The following ZNF597 variants were observed in gnomAD, a reference collection of about 807,000 sequenced individuals.
ZNF597 encodes zinc finger protein 597.
A neutral mutation model predicts 7.3 loss-of-function variants in ZNF597; 5 were observed. The ratio of observed to expected loss-of-function variants is 0.68; its 90% CI spans 0.36 to 1.44. The LOEUF is 1.44. Ranked by LOEUF, ZNF597 falls within the 40% of genes most tolerant of loss-of-function variation. The pLI is 0.04. For synonymous variants in ZNF597, 209 were observed against 185.4 expected (o/e 1.13, Z -1.04); for missense variants, 585 against 517.9 (o/e 1.13, Z -1.26).
rs149532466 is a variant in ZNF597, at chr16:3,437,479, C to T, written c.220G>A (p.Glu74Lys). 30 of 1,613,902 alleles carry T rather than the reference C, an allele frequency of 1.9e-5. No homozygotes were observed. Among genetic ancestry groups the T allele is most frequent in the African/African-American group, 2.7e-5 (2 of 74,880 alleles). Reference protein sequence around the residue: ...QLSLESMELDELALEKYPIAA... With the variant: ...QLSLESMELDKLALEKYPIAA... ...ATGGGGTACTTTTCTAAGGCAAGCT[C>T]GTCAAGTTCCATAGACTCTAGGCTT... Residue 74 changes from glutamate to lysine, a missense_variant, in exon 4 of 4, where the codon GAG (glutamate) becomes AAG (lysine). Coordinates refer to ENST00000301744, the MANE Select transcript of ZNF597 (RefSeq NM_152457.3).
chr16:3,438,186 G>T (rs986594019), intron 3 of ZNF597, among the ~76,000 whole-genome samples: 21 of 148,304 alleles, frequency 1.4e-4, no homozygotes, highest in Non-Finnish European at 1.6e-4. Flanking sequence ...TTGCACTCCA[G>T]CCTAGGTGAC....
rs40534 is a variant in ZNF597, at chr16:3,437,556, A to T, written c.161-18T>A. 0.24 allele frequency: 371,146 copies of T among 1,568,392 alleles called. 44,766 individuals carry two copies. Among genetic ancestry groups the T allele is most frequent in the South Asian group, 0.3 (25,039 of 83,968 alleles). ...TTCCTCTCCTGTTGATAAAAACAAA[A>T]GAAAGCAAAACATAGACAATATCTT... On this transcript the variant is annotated intron_variant, in intron 3 of 3. Coordinates refer to ENST00000301744, the MANE Select transcript of ZNF597 (RefSeq NM_152457.3).
In ZNF597 at chr16:3,433,631, G is replaced by C. The variant is rs1180165809; in HGVS notation, c.*2793C>G. 1 of 152,180 alleles carries C rather than the reference G, an allele frequency of 6.6e-6. No individual in the cohort carries two copies. Among genetic ancestry groups the C allele is most frequent in the Non-Finnish European group, 1.5e-5 (1 of 68,026 alleles). The allele number at this position is 152,180 out of a possible 1,614,324, so 9.4% of individuals were successfully genotyped here. A position where few individuals can be genotyped will look rare whatever the true frequency, so the allele number is the denominator to read the frequency against. On this transcript the variant is annotated 3_prime_UTR_variant, in exon 4 of 4. Coordinates refer to ENST00000301744, the MANE Select transcript of ZNF597 (RefSeq NM_152457.3). ...AATTTTATGGAATTTATCTCCATCA[G>C]TTGACACTGTAAACAGAAGGGTGAA... is the stretch of plus-strand genomic sequence containing the variant.
At chr16:3,441,880 T>C (rs2034380380) in intron 2 of ZNF597, among the ~76,000 whole-genome samples, 1 of 149,500 alleles carries the variant, frequency 6.7e-6, no homozygotes, top group Non-Finnish European at 1.5e-5. Flanking sequence ...CTTGGGAGGC[T>C]GGGCCAGGAG....
chr16:3,438,562 C>CA (rs888139271), intron 3 of ZNF597, among the ~76,000 whole-genome samples: 2 of 142,066 alleles, frequency 1.4e-5, no homozygotes, highest in African/African-American at 2.6e-5. Flanking sequence ...GACTCTGTCT[C>CA]AAAAAAAAAT....
At position 3,433,868 on chromosome 16, in the gene ZNF597, A is replaced by G; in HGVS notation, c.*2556T>C. 1 of 152,184 alleles carries G rather than the reference A, an allele frequency of 6.6e-6. No homozygotes were observed. 9.4% of individuals were successfully genotyped at this position (152,184 alleles called of 1,614,324 possible). A position where few individuals can be genotyped will look rare whatever the true frequency, so the allele number is the denominator to read the frequency against. On this transcript the variant is annotated 3_prime_UTR_variant, in exon 4 of 4. Coordinates refer to ENST00000301744, the MANE Select transcript of ZNF597 (RefSeq NM_152457.3). ...ACTAATCATTAACAGTATTATACCAAAAAGCCATTTTAGTTCTACCCACAC... is the reference window on the plus strand; with the variant it reads ...ACTAATCATTAACAGTATTATACCAGAAAGCCATTTTAGTTCTACCCACAC...
intron 3 of ZNF597, among the ~76,000 whole-genome samples, 168 bp downstream of exon 3, chr16:3,440,639 A>C (rs1313133820): frequency 6.6e-6 from 1 of 152,172 alleles, no homozygotes; most frequent in African/African-American, 2.4e-5. Context: ...GTCTCAAAAA[A>C]AAAAAATCAT....
chr16:3,439,331 C>T (rs975262293), intron 3 of ZNF597, among the ~76,000 whole-genome samples: 10 of 151,828 alleles, frequency 6.6e-5, no homozygotes, highest in Non-Finnish European at 1.5e-4. Flanking sequence ...TGCAGTGAGC[C>T]GTGATTGTGC....
At chr16:3,442,132 A>G (rs1402909173) in intron 2 of ZNF597, among the ~76,000 whole-genome samples, 1 of 152,174 alleles carries the variant, frequency 6.6e-6, no homozygotes, top group Admixed American at 6.6e-5. Flanking sequence ...CCAGCACTTC[A>G]TCCAGGCCTA....
intron 2 of ZNF597, 121 bp from the exon 3 acceptor site, chr16:3,441,054 G>T: frequency 7.2e-7 from 1 of 1,386,484 alleles, no homozygotes; most frequent in Non-Finnish European, 9.6e-7. Context: ...GGTGTAAAAG[G>T]TTCTTGAGCG....
At chr16:3,437,599 A>G in intron 3 of ZNF597, 61 bp from the exon 4 acceptor site, 1 of 1,511,756 alleles carries the variant, frequency 6.6e-7, no homozygotes, top group Non-Finnish European at 8.8e-7. Context: ...TACTGGGGAA[A>G]AAGTAAGCTA....
intron 3 of ZNF597, among the ~76,000 whole-genome samples, 185 bp from the exon 4 acceptor site, chr16:3,437,723 T>G (rs192445631): frequency 5.8e-4 from 77 of 133,854 alleles, no homozygotes; most frequent in Admixed American, 1.9e-3. Context: ...AGATCCAGTT[T>G]TGGGTGAATA....
chr16:3,443,128 T>A lies in ZNF597; in HGVS notation c.26A>T (p.Glu9Val). Residue 9 changes from glutamate (E) to valine (V), a missense_variant, in exon 2 of 4, where the codon GAG becomes GTG. Glu to Val is a moderately radical substitution (Grantham distance 121). Coordinates refer to ENST00000301744, the MANE Select transcript of ZNF597 (RefSeq NM_152457.3). MASMPPTP[E>V]AQGPILFEDL... is the part of the protein sequence containing the mutation. ...AAAGGTACCTCGACTCACCTGGGCC[T>A]CGGGCGTCGGGGGCATGGACGCCAT... 6.2e-7 allele frequency: 1 copy of A among 1,614,020 alleles called. No individual in the cohort carries two copies. Among genetic ancestry groups the A allele is most frequent in the Non-Finnish European group, 8.5e-7 (1 of 1,179,970 alleles).
Position 3,436,315 on chromosome 16 carries a change from G to C in ZNF597, c.*109C>G. ...GTGCTGAGAATTAAGTATTACATGGGAATGTGTGTAAAGTGCTTAGCACAT... is the reference window on the plus strand; with the variant it reads ...GTGCTGAGAATTAAGTATTACATGGCAATGTGTGTAAAGTGCTTAGCACAT... On this transcript the variant is annotated 3_prime_UTR_variant, in exon 4 of 4. Coordinates refer to ENST00000301744, the MANE Select transcript of ZNF597 (RefSeq NM_152457.3). 1 of 1,005,668 alleles carries C rather than the reference G, an allele frequency of 9.9e-7. No individual in the cohort carries two copies. The highest frequency in any genetic ancestry group is 1.4e-6 in the Non-Finnish European group (1 of 697,096). The allele number at this position is 1,005,668 out of a possible 1,614,324, so 62.3% of individuals were successfully genotyped here.
Position 3,435,962 on chromosome 16 carries a change from T to A in ZNF597, c.*462A>T, listed in dbSNP as rs180828264. 7 of 156,992 alleles carry A rather than the reference T, an allele frequency of 4.5e-5. No individual in the cohort carries two copies. 9.7% of individuals were successfully genotyped at this position (156,992 alleles called of 1,614,324 possible). On this transcript the variant is annotated 3_prime_UTR_variant, in exon 4 of 4. Transcript: ENST00000301744. ...ATTCACATGTAGAACAGCAATCTTA[T>A]ACAAGTATTACATTCAAATAGTTAT...
chr16:3,441,063 C>A, intron 2 of ZNF597, 130 bp from the exon 3 acceptor site: 1 of 1,336,234 alleles, frequency 7.5e-7, no homozygotes, highest in Non-Finnish European at 1.0e-6. Context: ...GGTTCTTGAG[C>A]GCAGAAGTAG....
rs2034427554 is a variant in ZNF597 at position 3,443,463 on chromosome 16, C to G, written c.-157G>C. On this transcript the variant is annotated 5_prime_UTR_variant, in exon 1 of 4. Transcript: ENST00000301744. ...AACGCCACGGCCACTGCAAAACTCC[C>G]ACGCTCTCATGCTCCTTTACGCAGG... 1.9e-6 allele frequency: 1 copy of G among 523,638 alleles called. No homozygotes were observed. Among genetic ancestry groups the G allele is most frequent in the African/African-American group, 2.0e-5 (1 of 50,720 alleles). The allele number at this position is 523,638 out of a possible 1,614,324, so 32.4% of individuals were successfully genotyped here. A position where few individuals can be genotyped will look rare whatever the true frequency, so the allele number is the denominator to read the frequency against.
rs775435762 is a variant in ZNF597 at position 3,436,374 on chromosome 16, A to G, written c.*50T>C. On this transcript the variant is annotated 3_prime_UTR_variant, in exon 4 of 4. Transcript: ENST00000301744. ...ACATATACAGTAACTGCTTCCCACCATACAGATACTGAAAAGCCCAATCAC... is the reference window on the plus strand; with the variant it reads ...ACATATACAGTAACTGCTTCCCACCGTACAGATACTGAAAAGCCCAATCAC... 3.2e-6 allele frequency: 5 copies of G among 1,561,364 alleles called. No homozygotes were observed. The South Asian group carries it at 6.0e-5, about 19-fold the overall frequency.
chr16:3,441,875 G>T (rs564735715), intron 2 of ZNF597, among the ~76,000 whole-genome samples: 10 of 151,526 alleles, frequency 6.6e-5, no homozygotes, highest in African/African-American at 2.4e-4. Flanking sequence ...AGCTACTTGG[G>T]AGGCTGGGCC....
Sources: gnomAD v4.1 joint callset for allele counts (sites outside exome capture counted in the v4.1 genomes callset) on GRCh38, gnomAD v4.1.1 for gene constraint, MANE v1.5 for transcripts, NCBI Gene and HGNC (gene_info 2026-07-23, HGNC 2026-07-21) for gene names.